The following TAF12 variants were observed in gnomAD, a reference collection of about 807,000 sequenced individuals.
TAF12 encodes transcription initiation factor TFIID subunit 12.
A neutral mutation model predicts 20.8 loss-of-function variants in TAF12; 3 were observed. That is an observed-to-expected ratio of 0.14 (90% CI 0.07 to 0.37). The LOEUF is 0.37. Among genes scored for constraint, TAF12 ranks in the 10% least tolerant of loss-of-function variants. The probability of loss-of-function intolerance (pLI) is 1.00; values close to 1 mark genes in which losing one functional copy is unlikely to be tolerated. For synonymous variants in TAF12, 69 were observed against 70.2 expected, an observed-to-expected ratio of 0.98 and a Z score of 0.09; for missense variants, 131 against 197.9, an observed-to-expected ratio of 0.66 and a Z score of 2.03.
At chr1:28,627,245 G>A (rs964808177) in intron 1 of TAF12, among the ~76,000 whole-genome samples, 4 of 151,676 alleles carry the variant, frequency 2.6e-5, no homozygotes, top group East Asian at 1.9e-4. Context: ...AAAATTAGCC[G>A]GGCGTGGTGG....
rs1362672830 is a variant in TAF12 at position 28,603,376 on chromosome 1, T to C, written c.*163A>G. ...AGTTGGGGTAGGAGGCTTTATTCTTTTGGCAGATCCTCTCAGTCATTATAG... is the reference window on the plus strand; with the variant it reads ...AGTTGGGGTAGGAGGCTTTATTCTTCTGGCAGATCCTCTCAGTCATTATAG... On this transcript the variant is annotated 3_prime_UTR_variant, in exon 6 of 6. Transcript: ENST00000373824. 1 of 681,366 alleles carries C rather than the reference T, an allele frequency of 1.5e-6. No homozygotes were observed. The highest frequency in any genetic ancestry group is 1.8e-5 in the African/African-American group (1 of 55,280). The allele number at this position is 681,366 out of a possible 1,614,324, so 42.2% of individuals were successfully genotyped here. A position where few individuals can be genotyped will look rare whatever the true frequency, so the allele number is the denominator to read the frequency against.
In TAF12 at chr1:28,608,685, G is replaced by A. The variant is rs571525451; in HGVS notation, c.362-3225C>T. ...CAGGAGAATCGCTTGAACCCGGGAGGCAGAGGTTGCAGTGAGCGGAGATTG... is the reference window on the plus strand; with the variant it reads ...CAGGAGAATCGCTTGAACCCGGGAGACAGAGGTTGCAGTGAGCGGAGATTG... On this transcript the variant is annotated intron_variant, in intron 4 of 5. Coordinates refer to ENST00000373824, the MANE Select transcript of TAF12 (RefSeq NM_005644.4). Among the ~76,000 whole-genome samples the A allele has an allele frequency of 3.3e-5, 5 of 151,870 alleles. No homozygotes were observed. The East Asian group carries it at 7.8e-4, about 24-fold the overall frequency.
At chr1:28,622,473 T>G (rs1423170139) in intron 1 of TAF12, among the ~76,000 whole-genome samples, 2 of 151,814 alleles carry the variant, frequency 1.3e-5, no homozygotes, top group African/African-American at 2.4e-5. Context: ...ATTGAGGGAA[T>G]GAAGAATGTT....
At chr1:28,647,464 T>C (rs1470799132), upstream of TAF12, among the ~76,000 whole-genome samples, 1 of 152,002 alleles carries the variant, frequency 6.6e-6, no homozygotes, top group Non-Finnish European at 1.5e-5. Context: ...ATATTTTATT[T>C]TGGGGTAGGG....
At position 28,643,063 on chromosome 1, in the gene TAF12, C is replaced by T; in HGVS notation, c.-156G>A. 1 of 985,934 alleles carries T rather than the reference C, an allele frequency of 1.0e-6. No individual in the cohort carries two copies. The highest frequency in any genetic ancestry group is 1.2e-6 in the Non-Finnish European group (1 of 829,972). 61.1% of individuals were successfully genotyped at this position (985,934 alleles called of 1,614,324 possible). ...GAAGCGTTCGTCTCAGCAGCCGGTC[C>T]GACTGCGCGGCCCTCCCCGACTACT... On this transcript the variant is annotated 5_prime_UTR_variant, in exon 1 of 6. Transcript: ENST00000373824.
intron 1 of TAF12, among the ~76,000 whole-genome samples, chr1:28,624,382 T>C (rs1255721818): frequency 6.6e-6 from 1 of 152,182 alleles, no homozygotes; most frequent in African/African-American, 2.4e-5. Flanking sequence ...GCAATATAAA[T>C]GTCTACTGTA....
chr1:28,640,299 A>C (rs1667989041), intron 1 of TAF12, among the ~76,000 whole-genome samples: 1 of 152,218 alleles, frequency 6.6e-6, no homozygotes, highest in Non-Finnish European at 1.5e-5. Context: ...TAAGTACCCT[A>C]ATATGTTATA....
intron 1 of TAF12, among the ~76,000 whole-genome samples, chr1:28,635,640 G>A (rs938391351): frequency 1.3e-5 from 2 of 151,902 alleles, no homozygotes; most frequent in African/African-American, 4.8e-5. Flanking sequence ...TTGACTGGCT[G>A]AGGATGACAA....
chr1:28,611,431 T>A (rs568909114), intron 4 of TAF12, among the ~76,000 whole-genome samples: 1 of 152,228 alleles, frequency 6.6e-6, no homozygotes, highest in Admixed American at 6.5e-5. Context: ...CAGAATATGA[T>A]CCTATTTGGA....
chr1:28,612,565 T>TGC (rs1666901907), intron 4 of TAF12, among the ~76,000 whole-genome samples: 1 of 139,006 alleles, frequency 7.2e-6, no homozygotes, highest in East Asian at 2.1e-4. Context: ...CATAAATATA[T>TGC]ACATATATAT....
At chr1:28,603,917 T>C (rs1483801418) in intron 5 of TAF12, among the ~76,000 whole-genome samples, 3 of 151,778 alleles carry the variant, frequency 2.0e-5, no homozygotes, top group African/African-American at 7.3e-5. Flanking sequence ...TCTTTTTTTT[T>C]TTTTTGAGAT....
At chr1:28,618,336 C>G (rs757876489) in intron 2 of TAF12, among the ~76,000 whole-genome samples, 1 of 152,064 alleles carries the variant, frequency 6.6e-6, no homozygotes, top group African/African-American at 2.4e-5. Flanking sequence ...CTCTGACCAC[C>G]ACAAATTGTA....
chr1:28,645,800 C>T (rs1668169799), upstream of TAF12, among the ~76,000 whole-genome samples: 2 of 151,748 alleles, frequency 1.3e-5, no homozygotes, highest in Non-Finnish European at 1.5e-5. Flanking sequence ...GTGAAACCTA[C>T]TAAAAATATT....
chr1:28,647,873 CA>C (rs35986604), upstream of TAF12, among the ~76,000 whole-genome samples: 113,773 of 147,816 alleles, frequency 0.77, 43,569 homozygotes, highest in East Asian at 0.85. Flanking sequence ...GACTCCGTCT[CA>C]AAAAAAAAAA....
chr1:28,625,971 C>CG (rs1557467125), intron 1 of TAF12, among the ~76,000 whole-genome samples: 1 of 151,730 alleles, frequency 6.6e-6, no homozygotes, highest in Non-Finnish European at 1.5e-5. Context: ...TGGGCCACCA[C>CG]ACTCAGCCCC....
Position 28,613,214 on chromosome 1 carries a change from A to C in TAF12, c.361+33T>G, listed in dbSNP as rs776240461. 33 of 1,562,116 alleles carry C rather than the reference A, an allele frequency of 2.1e-5. No individual in the cohort carries two copies. The South Asian group carries it at 3.9e-4, about 19-fold the overall frequency. ...CTGGCAGTCCTGAAGAAGCAGTTGA[A>C]TCCATACTTCAGGGAGAAACAAGAC... On this transcript the variant is annotated intron_variant, in intron 4 of 5. Coordinates refer to ENST00000373824, the MANE Select transcript of TAF12 (RefSeq NM_005644.4).
chr1:28,646,247 A>C (rs1173423213), upstream of TAF12: 1 of 152,262 alleles, frequency 6.6e-6, no homozygotes, highest in African/African-American at 2.4e-5. Context: ...ACTGCATTCC[A>C]GCCTGGACAA....
rs4252991 is a variant in TAF12, at chr1:28,613,604, A to G, written c.247-243T>C. Among the ~76,000 whole-genome samples, 1,187 of 152,276 alleles carry G rather than the reference A, an allele frequency of 7.8e-3. 13 individuals carry two copies. The highest frequency in any genetic ancestry group is 0.027 in the African/African-American group (1,119 of 41,552). ...TACCCAGCAGTGATCAACTATCCCA[A>G]TCCCTACCCTCCATATCTTTATTTA... On this transcript the variant is annotated intron_variant, in intron 3 of 5. Coordinates refer to ENST00000373824, the MANE Select transcript of TAF12 (RefSeq NM_005644.4).
intron 4 of TAF12, among the ~76,000 whole-genome samples, chr1:28,606,123 C>T (rs1171368947): frequency 6.6e-6 from 1 of 152,046 alleles, no homozygotes; most frequent in African/African-American, 2.4e-5. Flanking sequence ...CTCAGACTCC[C>T]GAGTAGCTGG....
Sources: gnomAD v4.1 joint callset for allele counts (sites outside exome capture counted in the v4.1 genomes callset) on GRCh38, gnomAD v4.1.1 for gene constraint, MANE v1.5 for transcripts, NCBI Gene and HGNC (gene_info 2026-07-23, HGNC 2026-07-21) for gene names.